PLXDC2: variants seen among roughly 807,000 people sequenced by gnomAD.
PLXDC2 encodes the protein plexin domain containing 2.
A neutral mutation model predicts 68.9 loss-of-function variants in PLXDC2; 40 were observed. The ratio of observed to expected loss-of-function variants is 0.58; its 90% confidence interval spans 0.45 to 0.76. The LOEUF is 0.76. Among genes scored for constraint, PLXDC2 ranks in the 30% least tolerant of loss-of-function variants. The probability of loss-of-function intolerance (pLI) is 0.00; values close to 1 mark genes in which losing one functional copy is unlikely to be tolerated. For synonymous variants in PLXDC2, 243 were observed against 234.2 expected (o/e 1.04, Z -0.34); for missense variants, 644 against 661.9 (o/e 0.97, Z 0.30).
rs867875979 is a variant in PLXDC2 at position 20,280,499 on chromosome 10, C to T, written c.*680C>T. 1 of 152,158 alleles carries T rather than the reference C, an allele frequency of 6.6e-6. No individual in the cohort carries two copies. Among genetic ancestry groups the T allele is most frequent in the Admixed American group, 6.6e-5 (1 of 15,262 alleles). The allele number at this position is 152,158 out of a possible 1,614,324, so 9.4% of individuals were successfully genotyped here. Reference sequence around the variant, plus strand: ...TCTTCCTTTGTAATGAATGACCTTTCTATGAGCTGTGACAAAATTTCCGAA... The same window carrying T: ...TCTTCCTTTGTAATGAATGACCTTTTTATGAGCTGTGACAAAATTTCCGAA... On this transcript the variant is annotated 3_prime_UTR_variant, in exon 14 of 14. Coordinates refer to ENST00000377252, the MANE Select transcript of PLXDC2 (RefSeq NM_032812.9).
chr10:20,034,021 A>T (rs1176941553), intron 2 of PLXDC2, among the ~76,000 whole-genome samples: 1 of 152,154 alleles, frequency 6.6e-6, no homozygotes, highest in Non-Finnish European at 1.5e-5. Flanking sequence ...AAAAGGTCTT[A>T]TTGTGCAAGA....
At chr10:19,931,252 G>A (rs1020480892) in intron 1 of PLXDC2, among the ~76,000 whole-genome samples, 21 of 152,332 alleles carry the variant, frequency 1.4e-4, no homozygotes, top group African/African-American at 4.6e-4. Context: ...GGCCAGCTTG[G>A]CAAGTTTTCT....
chr10:20,145,288 G>T (rs534300564), intron 5 of PLXDC2, among the ~76,000 whole-genome samples: 1 of 152,108 alleles, frequency 6.6e-6, no homozygotes, highest in African/African-American at 2.4e-5. Flanking sequence ...GAAAACTTAC[G>T]TTTTATTAAA....
chr10:19,928,584 T>TG (rs1385222405), intron 1 of PLXDC2, among the ~76,000 whole-genome samples: 6 of 152,060 alleles, frequency 3.9e-5, no homozygotes, highest in African/African-American at 1.4e-4. Flanking sequence ...GACCATCCCG[T>TG]GATGAAGTGT....
intron 1 of PLXDC2, among the ~76,000 whole-genome samples, chr10:19,871,670 A>G (rs181758259): frequency 6.6e-6 from 1 of 152,220 alleles, no homozygotes; most frequent in East Asian, 1.9e-4. Flanking sequence ...ACGTGAGGTC[A>G]GGAGTACGAG....
At chr10:20,107,545 G>A (rs1297266261) in intron 4 of PLXDC2, among the ~76,000 whole-genome samples, 1 of 152,128 alleles carries the variant, frequency 6.6e-6, no homozygotes, top group East Asian at 1.9e-4. Context: ...TCAATTGTAA[G>A]ATTAAATCTG....
chr10:19,917,193 T>C (rs111819943), intron 1 of PLXDC2, among the ~76,000 whole-genome samples: 1 of 152,144 alleles, frequency 6.6e-6, no homozygotes, highest in Non-Finnish European at 1.5e-5. Flanking sequence ...AGTCTGGCAG[T>C]GCGGTGTGAG....
intron 4 of PLXDC2, among the ~76,000 whole-genome samples, chr10:20,140,427 A>ATCTG (rs1354274722): frequency 1.3e-5 from 2 of 149,130 alleles, no homozygotes; most frequent in Admixed American, 1.3e-4. Context: ...CTATCTATCT[A>ATCTG]TCTATCTATC....
intron 13 of PLXDC2, among the ~76,000 whole-genome samples, chr10:20,269,095 GTC>G (rs1287544961): frequency 2.0e-5 from 3 of 152,196 alleles, no homozygotes; most frequent in Non-Finnish European, 4.4e-5. Context: ...CTCTGCTAGA[GTC>G]TCTTACATTT....
chr10:20,031,307 C>A (rs1318191664), intron 2 of PLXDC2, among the ~76,000 whole-genome samples: 1 of 151,904 alleles, frequency 6.6e-6, no homozygotes, highest in Non-Finnish European at 1.5e-5. Context: ...GAGGGCCAGG[C>A]TGCAGTGAGA....
At chr10:20,213,539 C>T (rs1455138723) in intron 10 of PLXDC2, among the ~76,000 whole-genome samples, 2 of 151,964 alleles carry the variant, frequency 1.3e-5, no homozygotes, top group Non-Finnish European at 2.9e-5. Flanking sequence ...TTAAACTCAC[C>T]TTGTCGAGAT....
At chr10:20,134,407 G>C (rs925048087) in intron 4 of PLXDC2, among the ~76,000 whole-genome samples, 2 of 152,128 alleles carry the variant, frequency 1.3e-5, no homozygotes, top group African/African-American at 2.4e-5. Flanking sequence ...CAGAAATTCT[G>C]TGCCAGCGGC....
intron 3 of PLXDC2, among the ~76,000 whole-genome samples, chr10:20,063,148 A>G (rs1836135453): frequency 6.6e-6 from 1 of 152,182 alleles, no homozygotes; most frequent in Non-Finnish European, 1.5e-5. Context: ...TGTAAAAACT[A>G]ATGATTAATT....
chr10:19,825,030 C>T (rs750424897), intron 1 of PLXDC2, among the ~76,000 whole-genome samples: 7 of 152,108 alleles, frequency 4.6e-5, no homozygotes, highest in Non-Finnish European at 1.0e-4. Flanking sequence ...CAGATCTAAG[C>T]GCTGGTACCT....
intron 6 of PLXDC2, among the ~76,000 whole-genome samples, chr10:20,149,265 T>G (rs1316152268): frequency 7.0e-6 from 1 of 142,840 alleles, no homozygotes; most frequent in African/African-American, 2.7e-5. Context: ...TGAGTTGGAG[T>G]TTCACTCTTG....
At chr10:19,902,560 C>G (rs1412915776) in intron 1 of PLXDC2, among the ~76,000 whole-genome samples, 1 of 152,034 alleles carries the variant, frequency 6.6e-6, no homozygotes, top group Non-Finnish European at 1.5e-5. Flanking sequence ...AATTCGTTTA[C>G]CAGTTCTAGG....
At chr10:19,931,149 A>C (rs1589542428) in intron 1 of PLXDC2, among the ~76,000 whole-genome samples, 1 of 152,364 alleles carries the variant, frequency 6.6e-6, no homozygotes, top group East Asian at 1.9e-4. Context: ...GGATAGATGA[A>C]GAGTACAAAT....
chr10:19,872,633 C>T (rs149894919), intron 1 of PLXDC2, among the ~76,000 whole-genome samples: 65 of 152,126 alleles, frequency 4.3e-4, no homozygotes, highest in African/African-American at 1.4e-3. Flanking sequence ...TTGGGATGTT[C>T]CAGAGGGAGA....
intron 1 of PLXDC2, among the ~76,000 whole-genome samples, chr10:19,875,624 A>G (rs4997680): frequency 0.13 from 19,668 of 152,206 alleles, 2,013 homozygotes; most frequent in African/African-American, 0.28. Context: ...TCAATGTTCA[A>G]TCTCTTCCCA....
Sources: gnomAD v4.1 joint callset for allele counts (sites outside exome capture counted in the v4.1 genomes callset) on GRCh38, gnomAD v4.1.1 for gene constraint, MANE v1.5 for transcripts, NCBI Gene and HGNC (gene_info 2026-07-23, HGNC 2026-07-21) for gene names.